SDK2: variants seen among roughly 807,000 people sequenced by gnomAD.
SDK2 encodes protein sidekick-2.
In SDK2, 105 loss-of-function variants were observed where a neutral mutation model predicts 253.9. That is an observed-to-expected ratio of 0.41 (90% CI 0.35 to 0.49). SDK2 has a LOEUF of 0.49. Ranked by LOEUF, SDK2 falls within the 20% of genes least tolerant of loss-of-function variation. SDK2 has a pLI of 0.06. For missense variants in SDK2, 2,608 were observed against 3,003.0 expected (o/e 0.87, Z 3.07); for synonymous variants, 1,249 against 1,234.9 (o/e 1.01, Z -0.24).
intron 18 of SDK2, among the ~76,000 whole-genome samples, chr17:73,405,790 G>A (rs898143020): frequency 3.6e-4 from 54 of 149,128 alleles, no homozygotes; most frequent in Non-Finnish European, 7.1e-4. Context: ...CGCGATCTCC[G>A]CTCACTGCAA....
chr17:73,623,064 C>T (rs980769417), intron 1 of SDK2, among the ~76,000 whole-genome samples: 4 of 152,242 alleles, frequency 2.6e-5, no homozygotes, highest in African/African-American at 9.6e-5. Context: ...TTTATGTCCC[C>T]AGTTCAAATG....
intron 1 of SDK2, among the ~76,000 whole-genome samples, chr17:73,555,969 G>A (rs1440594425): frequency 6.6e-6 from 1 of 152,174 alleles, no homozygotes; most frequent in Non-Finnish European, 1.5e-5. Flanking sequence ...CAGGGAGACA[G>A]GCAGTGGATG....
intron 11 of SDK2, 65 bp from the exon 12 acceptor site, chr17:73,430,678 G>C (rs551412617): frequency 2.7e-6 from 3 of 1,125,422 alleles, no homozygotes; most frequent in Non-Finnish European, 3.7e-6. Flanking sequence ...TGGACTCTGG[G>C]TGGATACCAT....
chr17:73,538,673 AC>A (rs1296257611), intron 1 of SDK2, among the ~76,000 whole-genome samples: 3 of 152,200 alleles, frequency 2.0e-5, no homozygotes, highest in Non-Finnish European at 4.4e-5. Flanking sequence ...CTCTGGAGAA[AC>A]ATCATGATTC....
chr17:73,599,260 G>A (rs1276544602), intron 1 of SDK2, among the ~76,000 whole-genome samples: 5 of 152,172 alleles, frequency 3.3e-5, no homozygotes, highest in Admixed American at 1.3e-4. Flanking sequence ...TGCTGGGCAC[G>A]GTGGCTCACG....
chr17:73,389,326 G>A (rs1197257950), intron 29 of SDK2, among the ~76,000 whole-genome samples: 6 of 145,606 alleles, frequency 4.1e-5, no homozygotes, highest in Non-Finnish European at 8.8e-5. Flanking sequence ...TGGGGTTACT[G>A]ACATGTGCCA....
chr17:73,502,449 A>C (rs1293168065), intron 2 of SDK2, among the ~76,000 whole-genome samples: 1 of 152,150 alleles, frequency 6.6e-6, no homozygotes, highest in Non-Finnish European at 1.5e-5. Context: ...TTTTGAGCCC[A>C]AAACAAGGAA....
intron 1 of SDK2, among the ~76,000 whole-genome samples, chr17:73,530,643 A>C (rs895310484): frequency 1.3e-5 from 2 of 152,142 alleles, no homozygotes; most frequent in Non-Finnish European, 2.9e-5. Flanking sequence ...GTTGGGTGGG[A>C]GCAATGATGT....
intron 3 of SDK2, among the ~76,000 whole-genome samples, chr17:73,460,532 A>C (rs1224107865): frequency 6.6e-6 from 1 of 152,234 alleles, no homozygotes; most frequent in Non-Finnish European, 1.5e-5. Context: ...AAAAGTGTTA[A>C]AAAATTGTAT....
At chr17:73,427,340 C>A (rs1012966450) in intron 12 of SDK2, among the ~76,000 whole-genome samples, 2 of 152,176 alleles carry the variant, frequency 1.3e-5, no homozygotes, top group African/African-American at 4.8e-5. Context: ...AAACTATGGC[C>A]TGCTGCCTGT....
chr17:73,364,070 G>A lies in SDK2; in HGVS notation c.5305+1188C>T, dbSNP rs533517736. On this transcript the variant is annotated intron_variant, in intron 38 of 44. Transcript: ENST00000392650. ...CAGGCTCCGTGATTGGAGGGGGTGA[G>A]AGTGAGAGGGGTGGCTCCAGAGGTC... is the stretch of plus-strand genomic sequence containing the variant. Among the ~76,000 whole-genome samples, 130 of 152,014 alleles carry A rather than the reference G, an allele frequency of 8.6e-4. 1 individual carries two copies. The highest frequency in any genetic ancestry group is 3.0e-3 in the African/African-American group (125 of 41,466).
Position 73,472,178 on chromosome 17 carries a change from A to T in SDK2, c.265T>A (p.Tyr89Asn). ...TSLDRTHAGFYRCIVRNRMGA... is the reference protein window; with the variant it reads ...TSLDRTHAGFNRCIVRNRMGA... ...ATTCGGTTCCGCACGATGCAACGGT[A>T]AAAGCCAGCGTGGGTGCGGTCCAGG... Residue 89 changes from tyrosine (Y) to asparagine (N), a missense_variant, in exon 3 of 45, where the codon TAC (tyrosine) becomes AAC (asparagine). Transcript: ENST00000392650. 6.4e-7 allele frequency: 1 copy of T among 1,551,664 alleles called. No individual in the cohort carries two copies. Among genetic ancestry groups the T allele is most frequent in the Non-Finnish European group, 8.7e-7 (1 of 1,146,968 alleles).
In SDK2 at chr17:73,391,124, G is replaced by A. The variant is rs193010905; in HGVS notation, c.3997+316C>T. The stretch of plus-strand genomic sequence containing the variant: ...CCAGCTGTGCTGAGCCTGCCAGCGT[G>A]CCCTCACTTGGCCATGCTAAGGAAC... On this transcript the variant is annotated intron_variant, in intron 28 of 44. Transcript: ENST00000392650. 7.7e-4 allele frequency among the ~76,000 whole-genome samples: 117 copies of A among 152,362 alleles called. 1 individual carries two copies. Among genetic ancestry groups the A allele is most frequent in the African/African-American group, 2.7e-3 (112 of 41,594 alleles).
chr17:73,361,510 G>A lies in SDK2; in HGVS notation c.5467+174C>T, dbSNP rs1457515978. Among the ~76,000 whole-genome samples the A allele has an allele frequency of 3.9e-5, 6 of 152,090 alleles. No individual in the cohort carries two copies. Among genetic ancestry groups the A allele is most frequent in the Non-Finnish European group, 5.9e-5 (4 of 68,006 alleles). ...CCTGAGGACACATTAATCAAAGCGT[G>A]GAGCCCGGGAGGAGGGAGCGGGGGG... On this transcript the variant is annotated intron_variant, in intron 39 of 44. Transcript: ENST00000392650. The surrounding 1 kb of genome is among the most constrained non-coding windows in gnomAD (Gnocchi z 4.1).
chr17:73,394,359 G>T, intron 25 of SDK2, 35 bp from the exon 26 acceptor site: 1 of 1,427,590 alleles, frequency 7.0e-7, no homozygotes, highest in Non-Finnish European at 9.5e-7. Flanking sequence ...AAGGCACTCA[G>T]GACCCAACGT....
intron 40 of SDK2, among the ~76,000 whole-genome samples, chr17:73,354,531 C>T (rs2062568758): frequency 6.6e-6 from 1 of 152,156 alleles, no homozygotes. Context: ...CGTCTTCCTG[C>T]TGGTGGCAGT....
At chr17:73,623,787 G>A (rs943816957) in intron 1 of SDK2, among the ~76,000 whole-genome samples, 6 of 152,102 alleles carry the variant, frequency 3.9e-5, no homozygotes, top group Admixed American at 6.5e-5. Flanking sequence ...CCCGTTTCCC[G>A]GATGTGAAAC....
intron 1 of SDK2, among the ~76,000 whole-genome samples, chr17:73,514,835 C>T (rs1479707820): frequency 6.6e-6 from 1 of 152,118 alleles, no homozygotes; most frequent in East Asian, 1.9e-4. Flanking sequence ...TAGTCTTGGC[C>T]CCACCACCGT....
At chr17:73,522,484 C>T (rs1363439134) in intron 1 of SDK2, among the ~76,000 whole-genome samples, 1 of 152,232 alleles carries the variant, frequency 6.6e-6, no homozygotes, top group African/African-American at 2.4e-5. Context: ...TTATCCTTGC[C>T]TGGGAACCAG....
Sources: gnomAD v4.1 joint callset for allele counts (sites outside exome capture counted in the v4.1 genomes callset) on GRCh38, gnomAD v4.1.1 for gene constraint, Gnocchi (gnomAD v3.1) non-coding constraint, MANE v1.5 for transcripts, NCBI Gene and HGNC (gene_info 2026-07-23, HGNC 2026-07-21) for gene names.